PTPRT: variants seen among roughly 807,000 people sequenced by gnomAD.
PTPRT encodes the protein receptor-type tyrosine-protein phosphatase T.
PTPRT carries 56 observed loss-of-function variants against 176.8 expected under a neutral mutation model. The ratio of observed to expected loss-of-function variants is 0.32; its 90% confidence interval spans 0.26 to 0.40. PTPRT has a LOEUF of 0.40. Ranked by LOEUF, PTPRT falls within the 10% of genes least tolerant of loss-of-function variation. The probability of loss-of-function intolerance (pLI) is 1.00; values close to 1 mark genes in which losing one functional copy is unlikely to be tolerated. For missense variants in PTPRT, 1,540 were observed against 1,908.2 expected, an observed-to-expected ratio of 0.81 and a Z score of 3.60; for synonymous variants, 783 against 739.0, an observed-to-expected ratio of 1.06 and a Z score of -0.96.
chr20:42,941,410 C>T (rs1052292902), intron 1 of PTPRT, among the ~76,000 whole-genome samples: 5 of 152,144 alleles, frequency 3.3e-5, no homozygotes, highest in Admixed American at 1.3e-4. Context: ...CTTGACTCTC[C>T]TTTTCTGTAA....
At chr20:42,950,127 C>G (rs1981147707) in intron 1 of PTPRT, among the ~76,000 whole-genome samples, 1 of 152,148 alleles carries the variant, frequency 6.6e-6, no homozygotes, top group African/African-American at 2.4e-5. Context: ...TTAACCATCC[C>G]CAAGAGAGCT....
intron 7 of PTPRT, among the ~76,000 whole-genome samples, chr20:42,634,966 C>T (rs991643239): frequency 1.3e-5 from 2 of 152,018 alleles, no homozygotes; most frequent in South Asian, 4.1e-4. Context: ...GAATCCTCAG[C>T]CCCAAGCACA....
intron 7 of PTPRT, among the ~76,000 whole-genome samples, chr20:42,533,707 T>C (rs1023332595): frequency 1.3e-5 from 2 of 152,198 alleles, no homozygotes; most frequent in Non-Finnish European, 2.9e-5. Flanking sequence ...TTAAATGCCT[T>C]AATAAATACA....
chr20:42,753,289 G>A (rs1431213421), intron 6 of PTPRT, among the ~76,000 whole-genome samples: 1 of 152,086 alleles, frequency 6.6e-6, no homozygotes, highest in African/African-American at 2.4e-5. Context: ...TCCCACTCAT[G>A]AAATGAGTTA....
At chr20:42,089,023 G>A (rs1357608265) in intron 27 of PTPRT, among the ~76,000 whole-genome samples, 2 of 152,156 alleles carry the variant, frequency 1.3e-5, no homozygotes, top group African/African-American at 4.8e-5. Context: ...GCAAGGTTAA[G>A]CTTCAGAACG....
At chr20:42,799,273 C>T (rs1162926507) in intron 2 of PTPRT, among the ~76,000 whole-genome samples, 2 of 151,972 alleles carry the variant, frequency 1.3e-5, no homozygotes, top group African/African-American at 4.8e-5. Flanking sequence ...AGAGAAGAGG[C>T]AAAAGATTAT....
chr20:42,159,489 C>T (rs1989497258), intron 17 of PTPRT, among the ~76,000 whole-genome samples: 1 of 151,650 alleles, frequency 6.6e-6, no homozygotes, highest in Non-Finnish European at 1.5e-5. Context: ...ATTTGTTCAA[C>T]AAGCAGGTCT....
Position 42,900,283 on chromosome 20 carries a change from C to A in PTPRT, c.89-14351G>T, listed in dbSNP as rs142124176. On this transcript the variant is annotated intron_variant, in intron 1 of 30. Transcript: ENST00000373187. ...CCAGGGGGCTAAACCCAGGTCCTTC[C>A]CATTCAGTCAGGTGTGTGTGAGGCC... is the stretch of plus-strand genomic sequence containing the variant. Among the ~76,000 whole-genome samples the A allele has an allele frequency of 9.4e-3, 1,438 of 152,258 alleles. 32 individuals are homozygous for A. Among genetic ancestry groups the A allele is most frequent in the African/African-American group, 0.032 (1,345 of 41,556 alleles).
At chr20:42,809,775 A>G (rs2077668826) in intron 2 of PTPRT, among the ~76,000 whole-genome samples, 2 of 152,110 alleles carry the variant, frequency 1.3e-5, no homozygotes, top group South Asian at 4.1e-4. Context: ...TGCAGCTATC[A>G]TTGGATTTAG....
rs115732627 is a variant in PTPRT, at chr20:42,937,287, C to A, written c.89-51355G>T. 6.5e-3 allele frequency among the ~76,000 whole-genome samples: 988 copies of A among 152,316 alleles called. 8 individuals carry two copies. The highest frequency in any genetic ancestry group is 0.022 in the African/African-American group (932 of 41,568). ...ACACAGGCACTGGGTGTCATAGGAT[C>A]TCTAGCAGTCAGAGACTGTGGCTCT... On this transcript the variant is annotated intron_variant, in intron 1 of 30. Coordinates refer to ENST00000373187, the MANE Select transcript of PTPRT (RefSeq NM_007050.6).
At chr20:42,623,668 C>G (rs184598376) in intron 7 of PTPRT, among the ~76,000 whole-genome samples, 1 of 152,048 alleles carries the variant, frequency 6.6e-6, no homozygotes, top group Non-Finnish European at 1.5e-5. Flanking sequence ...ACATCCCACC[C>G]GGCAGAAACT....
chr20:43,024,249 T>C (rs2146183167), intron 1 of PTPRT, among the ~76,000 whole-genome samples: 1 of 152,260 alleles, frequency 6.6e-6, no homozygotes, highest in Admixed American at 6.5e-5. Flanking sequence ...AATGAGTGCA[T>C]GGATATTGTT....
rs1176896647 is a variant in PTPRT at position 42,240,173 on chromosome 20, C to T, written c.2313-3915G>A. ...TCCTGGGTGTCACCAAAAGCCTTCTCGTGCTATCTCTGACCCAGCAGCAAG... is the reference window on the plus strand; with the variant it reads ...TCCTGGGTGTCACCAAAAGCCTTCTTGTGCTATCTCTGACCCAGCAGCAAG... On this transcript the variant is annotated intron_variant, in intron 14 of 30. Transcript: ENST00000373187. 3.9e-5 allele frequency among the ~76,000 whole-genome samples: 6 copies of T among 152,224 alleles called. No homozygotes were observed. The South Asian group carries it at 6.2e-4, about 16-fold the overall frequency.
At chr20:42,441,092 G>T (rs2059312125) in intron 9 of PTPRT, among the ~76,000 whole-genome samples, 1 of 152,218 alleles carries the variant, frequency 6.6e-6, no homozygotes, top group Non-Finnish European at 1.5e-5. Flanking sequence ...CAGCCAAGTT[G>T]ACACATAAAA....
At chr20:42,522,936 C>T (rs1188917505) in intron 7 of PTPRT, among the ~76,000 whole-genome samples, 1 of 152,168 alleles carries the variant, frequency 6.6e-6, no homozygotes, top group African/African-American at 2.4e-5. Flanking sequence ...TATGGTGGCT[C>T]ATTTTCTGAT....
intron 2 of PTPRT, among the ~76,000 whole-genome samples, chr20:42,852,144 C>A (rs2078483778): frequency 6.6e-6 from 1 of 152,074 alleles, no homozygotes; most frequent in African/African-American, 2.4e-5. Context: ...TCCCTTTTGC[C>A]ATTCTTATGC....
chr20:43,023,017 C>T (rs1985762360), intron 1 of PTPRT, among the ~76,000 whole-genome samples: 1 of 152,220 alleles, frequency 6.6e-6, no homozygotes, highest in South Asian at 2.1e-4. Flanking sequence ...GGGCAGGTCC[C>T]TCCAGCCTAC....
chr20:42,904,414 C>G (rs1259468835), intron 1 of PTPRT, among the ~76,000 whole-genome samples: 4 of 152,192 alleles, frequency 2.6e-5, no homozygotes, highest in Non-Finnish European at 4.4e-5. Flanking sequence ...AAAGACTTGG[C>G]TCTTCCTCCA....
intron 12 of PTPRT, among the ~76,000 whole-genome samples, chr20:42,288,034 A>C (rs1026897151): frequency 1.3e-5 from 2 of 152,000 alleles, no homozygotes. Flanking sequence ...ATGCAAATTT[A>C]AGCATTTAAA....
Sources: allele counts gnomAD v4.1 joint callset (sites outside exome capture counted in the v4.1 genomes callset), GRCh38; gene constraint gnomAD v4.1.1; transcripts MANE v1.5; gene names NCBI Gene and HGNC (gene_info 2026-07-23, HGNC 2026-07-21).